The following NUDCD1 variants were observed in gnomAD, a reference collection of about 807,000 sequenced individuals.
The protein encoded by NUDCD1 is NudC domain containing 1.
Under a neutral mutation model 67.8 loss-of-function variants are expected in NUDCD1, and 60 were observed. The ratio of observed to expected loss-of-function variants is 0.88; its 90% confidence interval spans 0.72 to 1.10. The LOEUF (loss-of-function observed/expected upper bound fraction) is 1.10. Among genes scored for constraint, NUDCD1 ranks in the 50% least tolerant of loss-of-function variants. The pLI, the probability that NUDCD1 is intolerant of heterozygous loss-of-function variation, is 0.00. For missense variants in NUDCD1, 643 were observed against 695.0 expected (o/e 0.93, Z 0.84); for synonymous variants, 244 against 230.8 (o/e 1.06, Z -0.52).
chr8:109,308,853 T>G (rs1228355831), intron 2 of NUDCD1, among the ~76,000 whole-genome samples: 1 of 151,586 alleles, frequency 6.6e-6, no homozygotes, highest in Non-Finnish European at 1.5e-5. Flanking sequence ...GCAAATGTAG[T>G]CCTAGCTACT....
At chr8:109,260,973 C>T (rs1813852413) in intron 8 of NUDCD1, among the ~76,000 whole-genome samples, 1 of 152,136 alleles carries the variant, frequency 6.6e-6, no homozygotes, top group Non-Finnish European at 1.5e-5. Flanking sequence ...TCAATGTTGG[C>T]ATGGTTACAT....
At chr8:109,322,221 G>T in intron 2 of NUDCD1, 88 bp downstream of exon 2, 1 of 649,176 alleles carries the variant, frequency 1.5e-6, no homozygotes. Flanking sequence ...TCACTTCTCT[G>T]GATATTAGAT....
chr8:109,250,664 T>C (rs1021877100), intron 8 of NUDCD1, among the ~76,000 whole-genome samples: 4 of 152,316 alleles, frequency 2.6e-5, no homozygotes, highest in Admixed American at 2.6e-4. Flanking sequence ...TTGCTCAGCA[T>C]TTTTATCATC....
At chr8:109,276,597 AAT>A (rs1403824736) in intron 6 of NUDCD1, among the ~76,000 whole-genome samples, 3 of 152,200 alleles carry the variant, frequency 2.0e-5, no homozygotes, top group Admixed American at 6.5e-5. Flanking sequence ...ACAAAATAAT[AAT>A]ATGAGTACTT....
intron 8 of NUDCD1, among the ~76,000 whole-genome samples, chr8:109,266,469 T>C (rs4734208): frequency 0.64 from 94,101 of 147,872 alleles, 31,444 homozygotes; most frequent in African/African-American, 0.85. Flanking sequence ...TGGTCTCGAT[T>C]TCCTGACCTC....
At chr8:109,274,808 T>C (rs1343875972) in intron 7 of NUDCD1, among the ~76,000 whole-genome samples, 1 of 152,190 alleles carries the variant, frequency 6.6e-6, no homozygotes, top group African/African-American at 2.4e-5. Flanking sequence ...GATGTACTGC[T>C]GTATTTGTTC....
chr8:109,284,362 G>A (rs192800038), intron 5 of NUDCD1, among the ~76,000 whole-genome samples: 2 of 152,136 alleles, frequency 1.3e-5, no homozygotes, highest in African/African-American at 4.8e-5. Flanking sequence ...ACCACTCACA[G>A]CATCACACAG....
At chr8:109,306,794 C>A (rs1330861036) in intron 2 of NUDCD1, among the ~76,000 whole-genome samples, 1 of 152,148 alleles carries the variant, frequency 6.6e-6, no homozygotes, top group East Asian at 1.9e-4. Context: ...CATCACCAAT[C>A]ATTCTATACG....
At chr8:109,327,941 T>A (rs1051889725) in intron 1 of NUDCD1, among the ~76,000 whole-genome samples, 1 of 152,242 alleles carries the variant, frequency 6.6e-6, no homozygotes, top group Non-Finnish European at 1.5e-5. Flanking sequence ...TTAGCCCTTT[T>A]CAATTGTTTC....
intron 2 of NUDCD1, among the ~76,000 whole-genome samples, chr8:109,308,754 G>A (rs1278877419): frequency 2.0e-5 from 3 of 151,952 alleles, no homozygotes; most frequent in Non-Finnish European, 2.9e-5. Context: ...GGTGAATCAC[G>A]AGGTCAGGAG....
At chr8:109,260,834 A>G (rs1586257390) in intron 8 of NUDCD1, among the ~76,000 whole-genome samples, 1 of 152,310 alleles carries the variant, frequency 6.6e-6, no homozygotes. Context: ...TTCCTACACT[A>G]TAATTATTGT....
chr8:109,296,413 G>A lies in NUDCD1; in HGVS notation c.430C>T (p.Arg144Cys), dbSNP rs753159659. The A allele has an allele frequency of 8.7e-6, 14 of 1,613,088 alleles. No homozygotes were observed. Among genetic ancestry groups the A allele is most frequent in the East Asian group, 2.2e-5 (1 of 44,830 alleles). ...GRLYVIGTGE[R>C]GNSASEKWEI... ...CATTTTTCAGAAGCGCTATTTCCAC[G>A]TTCACCTGTTCCAATGACATACAAT... Residue 144 changes from arginine to cysteine, a missense_variant, in exon 3 of 10, where the codon CGT becomes TGT. Coordinates refer to ENST00000239690, the MANE Select transcript of NUDCD1 (RefSeq NM_032869.4).
At chr8:109,310,892 T>C (rs1815231273) in intron 2 of NUDCD1, among the ~76,000 whole-genome samples, 1 of 143,034 alleles carries the variant, frequency 7.0e-6, no homozygotes, top group Non-Finnish European at 1.5e-5. Context: ...CTCGGCTCAC[T>C]GAAACCTCCG....
intron 2 of NUDCD1, among the ~76,000 whole-genome samples, chr8:109,312,429 T>C (rs549996766): frequency 6.6e-6 from 1 of 152,100 alleles, no homozygotes; most frequent in South Asian, 2.1e-4. Flanking sequence ...AAGTGCCATG[T>C]TGGTGGGAAT....
chr8:109,299,513 A>T (rs1282356727), intron 2 of NUDCD1, among the ~76,000 whole-genome samples: 1 of 152,084 alleles, frequency 6.6e-6, no homozygotes, highest in African/African-American at 2.4e-5. Flanking sequence ...TGCAAGACTC[A>T]GCAGAGGCAG....
chr8:109,293,205 T>G (rs1814749768), intron 4 of NUDCD1, 139 bp downstream of exon 4: 1 of 480,738 alleles, frequency 2.1e-6, no homozygotes, highest in Non-Finnish European at 3.7e-6. Flanking sequence ...TACATATTCA[T>G]TCCACCAGTG....
chr8:109,293,631 CTATT>C (rs1814763632), intron 3 of NUDCD1, 107 bp from the exon 4 acceptor site: 3 of 497,400 alleles, frequency 6.0e-6, no homozygotes, highest in Admixed American at 8.2e-5. Flanking sequence ...ATTTTGGATA[CTATT>C]TATTACAAGA....
At position 109,242,078 on chromosome 8, in the gene NUDCD1, G is replaced by C. The variant is rs1813379618; in HGVS notation, c.*931C>G. The C allele has an allele frequency of 5.0e-6, 2 of 398,000 alleles. No individual in the cohort carries two copies. The highest frequency in any genetic ancestry group is 1.3e-4 in the South Asian group (1 of 7,852). 24.7% of individuals were successfully genotyped at this position (398,000 alleles called of 1,614,324 possible). On this transcript the variant is annotated 3_prime_UTR_variant, in exon 10 of 10. Coordinates refer to ENST00000239690, the MANE Select transcript of NUDCD1 (RefSeq NM_032869.4). ...ATTATAATTTGTCCTTGTGTGGTAA[G>C]ATTGTTCCATCAATGGCCCCCAATG...
chr8:109,272,364 A>AACACAC (rs5893949), intron 7 of NUDCD1, among the ~76,000 whole-genome samples: 96 of 150,358 alleles, frequency 6.4e-4, no homozygotes, highest in African/African-American at 2.0e-3. Context: ...GAACCACTAA[A>AACACAC]ACACACACAC....
Sources: allele counts gnomAD v4.1 joint callset (sites outside exome capture counted in the v4.1 genomes callset), GRCh38; gene constraint gnomAD v4.1.1; transcripts MANE v1.5; gene names NCBI Gene and HGNC (gene_info 2026-07-23, HGNC 2026-07-21).